Variants in SLC11A1 observed in about 807,000 individuals in gnomAD.
SLC11A1 encodes the protein natural resistance-associated macrophage protein 1.
A neutral mutation model predicts 63.2 loss-of-function variants in SLC11A1; 59 were observed. The observed-to-expected ratio is 0.93, with a 90% confidence interval of 0.76 to 1.16. The LOEUF (loss-of-function observed/expected upper bound fraction) is 1.16. Ranked by LOEUF, SLC11A1 falls within the 50% of genes most tolerant of loss-of-function variation. The probability of loss-of-function intolerance (pLI) is 0.00; values close to 1 mark genes in which losing one functional copy is unlikely to be tolerated. For missense variants in SLC11A1, 688 were observed against 730.7 expected (o/e 0.94, Z 0.67); for synonymous variants, 305 against 307.8 (o/e 0.99, Z 0.09).
In SLC11A1 at chr2:218,394,791, G is replaced by T; in HGVS notation, c.1542+6G>T. Reference sequence around the variant, plus strand: ...TGGGCCTCAGCACCTACCTGGTACAGTAGGGCCAGGGGATGCCTTGGGAAT... The same window carrying T: ...TGGGCCTCAGCACCTACCTGGTACATTAGGGCCAGGGGATGCCTTGGGAAT... On this transcript the variant is annotated splice_donor_region_variant and intron_variant, in intron 14 of 14. Coordinates refer to ENST00000233202, the MANE Select transcript of SLC11A1 (RefSeq NM_000578.4). 6.2e-7 allele frequency: 1 copy of T among 1,611,584 alleles called. No individual in the cohort carries two copies.
chr2:218,387,760 C>T (rs1310288581), intron 7 of SLC11A1, 40 bp from the exon 8 acceptor site: 1 of 1,611,614 alleles, frequency 6.2e-7, no homozygotes, highest in Admixed American at 1.7e-5. Flanking sequence ...GGCGTGGTTG[C>T]GAGGGGCGGG....
rs1368367754 is a variant in SLC11A1, at chr2:218,395,814, G to C, written c.*779G>C. The C allele has an allele frequency of 1.3e-5, 2 of 152,382 alleles. No individual in the cohort carries two copies. 9.4% of individuals were successfully genotyped at this position (152,382 alleles called of 1,614,324 possible). The stretch of plus-strand genomic sequence containing the variant: ...TCCAAAGGAGCAGGGAATGGGAACC[G>C]GGAAGGCACGAAGTCTCTAAAGCAT... On this transcript the variant is annotated 3_prime_UTR_variant, in exon 15 of 15. Coordinates refer to ENST00000233202, the MANE Select transcript of SLC11A1 (RefSeq NM_000578.4).
At chr2:218,392,569 CAA>C in intron 11 of SLC11A1, 1 of 162,434 alleles carries the variant, frequency 6.2e-6, no homozygotes, top group Admixed American at 6.4e-5. Context: ...CTCCTGGGCT[CAA>C]GTGATCTTCC....
At chr2:218,394,224 G>A in intron 13 of SLC11A1, 31 bp downstream of exon 13, 2 of 1,600,526 alleles carry the variant, frequency 1.2e-6, no homozygotes, top group Non-Finnish European at 1.7e-6. Context: ...GTGCTGGATT[G>A]CATCACCACA....
At chr2:218,385,379 G>A (rs779834275) in intron 4 of SLC11A1, 113 bp downstream of exon 4, 180 of 1,472,532 alleles carry the variant, frequency 1.2e-4, no homozygotes, top group African/African-American at 4.2e-4. Context: ...TCCCAAGTCT[G>A]TTTGTTTTTG....
At chr2:218,391,056 T>C in intron 9 of SLC11A1, 142 bp from the exon 10 acceptor site, 1 of 686,320 alleles carries the variant, frequency 1.5e-6, no homozygotes, top group Non-Finnish European at 2.6e-6. Flanking sequence ...ACCCAACTTA[T>C]TTTGTTAGCC....
intron 8 of SLC11A1, among the ~76,000 whole-genome samples, chr2:218,388,651 A>C (rs1574770361): frequency 6.6e-6 from 1 of 151,300 alleles, no homozygotes; most frequent in African/African-American, 2.4e-5. Context: ...AAATACAGAA[A>C]ATTAGCCGGA....
Position 218,384,452 on chromosome 2 carries a change from C to G in SLC11A1, c.273+87C>G. On this transcript the variant is annotated intron_variant, in intron 3 of 14. Coordinates refer to ENST00000233202, the MANE Select transcript of SLC11A1 (RefSeq NM_000578.4). The surrounding 1 kb of genome is among the most constrained non-coding windows in gnomAD (Gnocchi z 4.0). The stretch of plus-strand genomic sequence containing the variant: ...GAAGGCCCCTGCTGGCCATGTTTCT[C>G]CAATGTGGCCTGGGAGCTGGTGTTA... 1 of 1,474,880 alleles carries G rather than the reference C, an allele frequency of 6.8e-7. No individual in the cohort carries two copies. Among genetic ancestry groups the G allele is most frequent in the Non-Finnish European group, 9.2e-7 (1 of 1,087,122 alleles). 91.4% of individuals were successfully genotyped at this position (1,474,880 alleles called of 1,614,324 possible). A position where few individuals can be genotyped will look rare whatever the true frequency, so the allele number is the denominator to read the frequency against.
intron 8 of SLC11A1, 108 bp downstream of exon 8, chr2:218,388,063 C>T (rs1418708521): frequency 2.3e-6 from 3 of 1,318,816 alleles, no homozygotes; most frequent in Non-Finnish European, 2.0e-6. Flanking sequence ...TCAGGATTTG[C>T]GGAGCCTGTA....
chr2:218,384,463 T>C lies in SLC11A1; in HGVS notation c.273+98T>C. On this transcript the variant is annotated intron_variant, in intron 3 of 14. Transcript: ENST00000233202. The surrounding 1 kb of genome is among the most constrained non-coding windows in gnomAD (Gnocchi z 4.0). ...CTGGCCATGTTTCTCCAATGTGGCC[T>C]GGGAGCTGGTGTTAAGTTCAAATGG... 7.0e-7 allele frequency: 1 copy of C among 1,425,584 alleles called. No individual in the cohort carries two copies. Among genetic ancestry groups the C allele is most frequent in the Non-Finnish European group, 9.5e-7 (1 of 1,055,936 alleles). The allele number at this position is 1,425,584 out of a possible 1,614,324, so 88.3% of individuals were successfully genotyped here. A position where few individuals can be genotyped will look rare whatever the true frequency, so the allele number is the denominator to read the frequency against.
At chr2:218,393,260 T>C (rs994254869) in intron 12 of SLC11A1, 130 bp downstream of exon 12, 8 of 961,214 alleles carry the variant, frequency 8.3e-6, no homozygotes, top group African/African-American at 1.7e-5. Flanking sequence ...AAGGCTTCCA[T>C]TGTCCCCACA....
chr2:218,385,694 A>G (rs1696064632), intron 4 of SLC11A1: 1 of 353,336 alleles, frequency 2.8e-6, no homozygotes. Flanking sequence ...TCCGGCCCCA[A>G]TTCCATTTGA....
At chr2:218,391,798 C>T (rs1354064228) in intron 11 of SLC11A1, 6 of 332,056 alleles carry the variant, frequency 1.8e-5, no homozygotes, top group Non-Finnish European at 2.8e-5. Context: ...AATTTTTGTA[C>T]TTTTAGTAGA....
At position 218,383,104 on chromosome 2, in the gene SLC11A1, T is replaced by A; in HGVS notation, c.150+2T>A. 1 of 1,613,158 alleles carries A rather than the reference T, an allele frequency of 6.2e-7. No homozygotes were observed. On this transcript the variant is annotated splice_donor_variant, in intron 2 of 14. Coordinates refer to ENST00000233202, the MANE Select transcript of SLC11A1 (RefSeq NM_000578.4). LOFTEE classifies it high-confidence loss of function. ...ATCCCCATCCCAGACACAAAACCGGTGGGATGCTGGAAACTTCCTGGGGGC... is the reference window on the plus strand; with the variant it reads ...ATCCCCATCCCAGACACAAAACCGGAGGGATGCTGGAAACTTCCTGGGGGC...
chr2:218,387,103 G>C (rs954272833), intron 5 of SLC11A1, 57 bp from the exon 6 acceptor site: 7 of 1,507,066 alleles, frequency 4.6e-6, no homozygotes, highest in African/African-American at 2.7e-5. Context: ...CTGAGGCTCC[G>C]TAGGAGTTAG....
chr2:218,391,467 G>A lies in SLC11A1; in HGVS notation c.1136G>A (p.Gly379Asp). ...GCTGGGCAGAGCTCCACCATGACGGGCACCTACGCGGGACAGTTCGTGATG... is the reference window on the plus strand; with the variant it reads ...GCTGGGCAGAGCTCCACCATGACGGACACCTACGCGGGACAGTTCGTGATG... Reference protein sequence around the residue: ...LAAGQSSTMTGTYAGQFVMEG... With the variant: ...LAAGQSSTMTDTYAGQFVMEG... Residue 379 changes from glycine to aspartate, a missense_variant, in exon 11 of 15, where the codon GGC becomes GAC. Transcript: ENST00000233202. 1 of 1,608,406 alleles carries A rather than the reference G, an allele frequency of 6.2e-7. No individual in the cohort carries two copies. The highest frequency in any genetic ancestry group is 8.5e-7 in the Non-Finnish European group (1 of 1,177,532).
chr2:218,382,931 C>T, intron 1 of SLC11A1, 29 bp from the exon 2 acceptor site: 2 of 1,613,746 alleles, frequency 1.2e-6, no homozygotes, highest in Non-Finnish European at 1.7e-6. Flanking sequence ...AGAGGCAGGA[C>T]ACTCACCATG....
At chr2:218,386,785 C>G (rs750650152) in intron 5 of SLC11A1, 44 bp downstream of exon 5, 6 of 1,430,940 alleles carry the variant, frequency 4.2e-6, no homozygotes, top group Admixed American at 1.7e-5. Context: ...AGGCAGAGAA[C>G]AGCTGCTGCT....
intron 11 of SLC11A1, chr2:218,391,775 AC>A (rs1005329348): frequency 1.3e-5 from 5 of 374,790 alleles, no homozygotes; most frequent in African/African-American, 8.4e-5. Flanking sequence ...GGCACCTGCC[AC>A]CAGGCCTGGC....
Sources: allele counts gnomAD v4.1 joint callset (sites outside exome capture counted in the v4.1 genomes callset), GRCh38; gene constraint gnomAD v4.1.1; non-coding constraint Gnocchi (gnomAD v3.1); transcripts MANE v1.5; gene names NCBI Gene and HGNC (gene_info 2026-07-23, HGNC 2026-07-21).